MUC13: variants seen among roughly 807,000 people sequenced by gnomAD.
MUC13 encodes mucin 13, cell surface associated, also known as mucin-13.
MUC13 carries 32 observed loss-of-function variants against 48.3 expected under a neutral mutation model. That is an observed-to-expected ratio of 0.66 (90% confidence interval 0.50 to 0.89). The LOEUF (loss-of-function observed/expected upper bound fraction) is 0.89. Among genes scored for constraint, MUC13 ranks in the 40% least tolerant of loss-of-function variants. MUC13 has a pLI of 0.00. For synonymous variants in MUC13, 199 were observed against 224.9 expected (o/e 0.88, Z 1.03); for missense variants, 571 against 622.8 (o/e 0.92, Z 0.88).
intron 1 of MUC13, among the ~76,000 whole-genome samples, chr3:124,933,076 A>G (rs1019045759): frequency 1.3e-5 from 2 of 152,092 alleles, no homozygotes; most frequent in Non-Finnish European, 2.9e-5. Context: ...TCTGCCCCCA[A>G]GGTTGGCAGG....
intron 8 of MUC13, among the ~76,000 whole-genome samples, chr3:124,912,364 G>T (rs912346954): frequency 1.3e-5 from 2 of 152,136 alleles, no homozygotes; most frequent in Non-Finnish European, 2.9e-5. Context: ...TCTCATGCAG[G>T]CTCATTTGCT....
chr3:124,907,644 T>TTATATA (rs766187013), intron 11 of MUC13, among the ~76,000 whole-genome samples: 2 of 142,654 alleles, frequency 1.4e-5, no homozygotes, highest in African/African-American at 5.1e-5. Flanking sequence ...CAAATAGAAC[T>TTATATA]TATATATATA....
intron 2 of MUC13, 51 bp from the exon 3 acceptor site, chr3:124,923,700 A>G: frequency 1.3e-6 from 2 of 1,584,638 alleles, no homozygotes. Context: ...ACAATAAATA[A>G]CAACTGGAAA....
intron 4 of MUC13, 97 bp downstream of exon 4, chr3:124,922,100 G>C: frequency 7.2e-7 from 1 of 1,396,872 alleles, no homozygotes; most frequent in Non-Finnish European, 9.7e-7. Flanking sequence ...TGGTACGATG[G>C]TACGAGCGTG....
At chr3:124,929,466 A>G (rs933972851) in intron 1 of MUC13, among the ~76,000 whole-genome samples, 1 of 152,236 alleles carries the variant, frequency 6.6e-6, no homozygotes, top group Non-Finnish European at 1.5e-5. Context: ...GGTGCAGAGA[A>G]CTGCAGAATA....
rs960895258 is a variant in MUC13 at position 124,908,223 on chromosome 3, C to A, written c.1463G>T (p.Arg488Met). 7 of 1,614,036 alleles carry A rather than the reference C, an allele frequency of 4.3e-6. No homozygotes were observed. The highest frequency in any genetic ancestry group is 5.9e-6 in the Non-Finnish European group (7 of 1,180,040). ...GAEGSVFPKV[R>M]ITASRDSQMQ... The stretch of plus-strand genomic sequence containing the variant: ...CTGGCTGTCTCTGGAGGCCGTTATC[C>A]TGACCTTAGGAAAGACGCTCCCTTC... Residue 488 changes from arginine (R) to methionine (M), a missense_variant, in exon 11 of 12, where the codon AGG becomes ATG. Physicochemically the swap from Arg to Met is moderately conservative, Grantham distance 91. Transcript: ENST00000616727.
intron 11 of MUC13, among the ~76,000 whole-genome samples, chr3:124,907,048 G>A (rs1935330866): frequency 6.6e-6 from 1 of 152,096 alleles, no homozygotes; most frequent in African/African-American, 2.4e-5. Flanking sequence ...ACTAAGCAGT[G>A]ACAGCTATGA....
At chr3:124,922,635 C>T (rs1349005079) in intron 3 of MUC13, among the ~76,000 whole-genome samples, 1 of 6,254 alleles carries the variant, frequency 1.6e-4, no homozygotes, top group Non-Finnish European at 2.9e-4. Flanking sequence ...CAGATAGGGT[C>T]TTGCTCTATC....
chr3:124,909,799 C>T (rs1379503153), intron 10 of MUC13, among the ~76,000 whole-genome samples: 4 of 152,022 alleles, frequency 2.6e-5, no homozygotes, highest in African/African-American at 4.8e-5. Context: ...TATTTGACAA[C>T]TTCAGTGGAG....
intron 2 of MUC13, among the ~76,000 whole-genome samples, chr3:124,924,377 T>C (rs1431281051): frequency 6.6e-6 from 1 of 152,210 alleles, no homozygotes; most frequent in Non-Finnish European, 1.5e-5. Context: ...GGAGGAGAGT[T>C]AGCTCAGTGG....
At chr3:124,924,727 T>A (rs1935660041) in intron 2 of MUC13, among the ~76,000 whole-genome samples, 1 of 152,180 alleles carries the variant, frequency 6.6e-6, no homozygotes, top group South Asian at 2.1e-4. Flanking sequence ...GGGTTTAGGA[T>A]GAGAGGGAGA....
rs533546544 is a variant in MUC13 at position 124,906,207 on chromosome 3, A to G, written c.*536T>C. The G allele has an allele frequency of 5.2e-4, 79 of 152,720 alleles. No homozygotes were observed. The highest frequency in any genetic ancestry group is 1.9e-3 in the African/African-American group (78 of 41,556). The allele number at this position is 152,720 out of a possible 1,614,324, so 9.5% of individuals were successfully genotyped here. On this transcript the variant is annotated 3_prime_UTR_variant, in exon 12 of 12. Transcript: ENST00000616727. ...GTTCAAAGGTTGCCAGAATCTCTCC[A>G]TTGGAGGGATAGAAGCAGTGTCCCT... is the stretch of plus-strand genomic sequence containing the variant.
At chr3:124,926,720 A>C (rs1935693930) in intron 2 of MUC13, among the ~76,000 whole-genome samples, 1 of 152,162 alleles carries the variant, frequency 6.6e-6, no homozygotes, top group Non-Finnish European at 1.5e-5. Context: ...TTCTAGATCA[A>C]GGGCTGGCAA....
intron 5 of MUC13, among the ~76,000 whole-genome samples, chr3:124,917,460 C>T (rs975708036): frequency 1.3e-5 from 2 of 151,762 alleles, no homozygotes; most frequent in South Asian, 4.2e-4. Context: ...TATCCTGCCG[C>T]CTCAGTCTCC....
chr3:124,922,084 A>AC, intron 4 of MUC13, 113 bp downstream of exon 4: 4 of 1,279,832 alleles, frequency 3.1e-6, no homozygotes, highest in Non-Finnish European at 4.2e-6. Flanking sequence ...TCACTGTTTG[A>AC]ACAACTGGTA....
At chr3:124,928,059 T>C in intron 1 of MUC13, 66 bp from the exon 2 acceptor site, 5 of 1,119,472 alleles carry the variant, frequency 4.5e-6, no homozygotes, top group Non-Finnish European at 6.3e-6. Flanking sequence ...AGTTACTTAA[T>C]ACTAAATCAT....
chr3:124,925,080 G>A (rs1935664975), intron 2 of MUC13, among the ~76,000 whole-genome samples: 1 of 152,172 alleles, frequency 6.6e-6, no homozygotes. Context: ...AAGCAACCAA[G>A]ATACCGTTCA....
chr3:124,930,114 C>T lies in MUC13; in HGVS notation c.53-2121G>A, dbSNP rs560119892. Among the ~76,000 whole-genome samples, 3 of 152,282 alleles carry T rather than the reference C, an allele frequency of 2.0e-5. No individual in the cohort carries two copies. The East Asian group carries it at 5.8e-4, about 29-fold the overall frequency. ...TTCATGCTTTGGGAATATTCATTCT[C>T]GGCCGATGCCAAAGAACCAACATGT... On this transcript the variant is annotated intron_variant, in intron 1 of 11. Transcript: ENST00000616727.
chr3:124,934,563 G>A (rs1201004748), intron 1 of MUC13, 98 bp downstream of exon 1: 6 of 814,864 alleles, frequency 7.4e-6, no homozygotes, highest in South Asian at 1.4e-5. Flanking sequence ...AATAGACCAT[G>A]TGCTGGGCTG....
Sources: allele counts gnomAD v4.1 joint callset (sites outside exome capture counted in the v4.1 genomes callset), GRCh38; gene constraint gnomAD v4.1.1; transcripts MANE v1.5; gene names NCBI Gene and HGNC (gene_info 2026-07-23, HGNC 2026-07-21).